The following LYRM4 variants were observed in gnomAD, a reference collection of about 807,000 sequenced individuals.
The protein encoded by LYRM4 is LYR motif containing 4.
In LYRM4, 9 loss-of-function variants were observed where a neutral mutation model predicts 11.7. The observed-to-expected ratio is 0.77, with a 90% CI of 0.46 to 1.34. The LOEUF is 1.34. LYRM4 is among the 40% of genes most tolerant of loss of function. The pLI, the probability that LYRM4 is intolerant of heterozygous loss-of-function variation, is 0.00. For missense variants in LYRM4, 133 were observed against 112.5 expected (o/e 1.18, Z -0.82); for synonymous variants, 42 against 40.4 (o/e 1.04, Z -0.15).
chr6:5,084,741 CTGACCGAG>C, the LYRM4 span: 1 of 152,270 alleles, frequency 6.6e-6, no homozygotes. Context: ...CGGAGCGCGC[CTGACCGAG>C]TCAGGCTTCC....
chr6:5,066,270 C>G, the LYRM4 span: 1 of 716,894 alleles, frequency 1.4e-6, no homozygotes, highest in Non-Finnish European at 2.6e-6. Context: ...GGGGATCTGC[C>G]GTTAGTTTCT....
chr6:5,201,297 C>T (rs1019423943), intron 2 of LYRM4, among the ~76,000 whole-genome samples: 1 of 152,170 alleles, frequency 6.6e-6, no homozygotes, highest in East Asian at 1.9e-4. Flanking sequence ...GCACTGCTTG[C>T]TAGTCCTGGC....
At position 5,245,101 on chromosome 6, in the gene LYRM4, AAAAAAAAAAAAAATATATATATATATAT is replaced by A. The variant is rs1441609588; in HGVS notation, c.86+15519_86+15546del. On this transcript the variant is annotated intron_variant, in intron 1 of 2. Transcript: ENST00000330636. Reference sequence around the variant, plus strand: ...TGCAGGAAGACCTTAAAAAAAAAAAAAAAAAAAAAAAAATATATATATATATATATATATATATATATATATATATATA... The same window carrying A: ...TGCAGGAAGACCTTAAAAAAAAAAAAATATATATATATATATATATATATA... 3.9e-3 allele frequency among the ~76,000 whole-genome samples: 217 copies of A among 55,106 alleles called. 8 individuals carry two copies. Among genetic ancestry groups the A allele is most frequent in the African/African-American group, 0.012 (185 of 15,506 alleles). 36.2% of individuals were successfully genotyped at this position (55,106 alleles called of 152,430 possible).
downstream of LYRM4, among the ~76,000 whole-genome samples, chr6:5,101,968 C>CATTTTTTTTTTTTTT (rs556454653): frequency 2.9e-5 from 2 of 67,988 alleles, no homozygotes; most frequent in African/African-American, 9.1e-5. Flanking sequence ...CTAATGCTTT[C>CATTTTTTTTTTTTTT]TTTTTTTTTT....
chr6:5,252,292 G>A (rs189062608), intron 1 of LYRM4, among the ~76,000 whole-genome samples: 12 of 152,254 alleles, frequency 7.9e-5, no homozygotes, highest in Admixed American at 3.3e-4. Context: ...GGAGCGAGGC[G>A]GCCTTCTAAT....
intron 1 of LYRM4, among the ~76,000 whole-genome samples, chr6:5,241,256 T>A (rs1351779540): frequency 1.3e-5 from 2 of 152,220 alleles, no homozygotes; most frequent in African/African-American, 4.8e-5. Flanking sequence ...AGTGACTCTA[T>A]ACTAAATAAA....
chr6:5,115,215 CTAGAAG>C (rs1287362349), intron 2 of LYRM4, among the ~76,000 whole-genome samples: 2 of 152,186 alleles, frequency 1.3e-5, no homozygotes, highest in African/African-American at 2.4e-5. Context: ...TAAAAGGTTT[CTAGAAG>C]TAGAATTGTT....
intron 2 of LYRM4, among the ~76,000 whole-genome samples, chr6:5,163,859 G>A (rs181549734): frequency 1.9e-4 from 29 of 152,032 alleles, no homozygotes; most frequent in South Asian, 1.7e-3. Flanking sequence ...GGTGATCCTC[G>A]GCCTCCCAAA....
At chr6:5,167,920 GAA>G (rs57806234) in intron 2 of LYRM4, among the ~76,000 whole-genome samples, 10 of 149,602 alleles carry the variant, frequency 6.7e-5, no homozygotes, top group African/African-American at 2.5e-4. Context: ...AAAGACAAAG[GAA>G]AAAAAAACTG....
At chr6:5,153,576 G>T (rs1758215500) in intron 2 of LYRM4, among the ~76,000 whole-genome samples, 1 of 152,154 alleles carries the variant, frequency 6.6e-6, no homozygotes, top group South Asian at 2.1e-4. Flanking sequence ...TGTGAAAGAG[G>T]CAATCACCAG....
intron 1 of LYRM4, among the ~76,000 whole-genome samples, chr6:5,245,769 G>A (rs1291854537): frequency 6.6e-6 from 1 of 152,172 alleles, no homozygotes; most frequent in African/African-American, 2.4e-5. Context: ...ATGGGGCTGT[G>A]AACTTACAGG....
rs573604726 is a variant in LYRM4, at chr6:5,130,190, C to T, written c.208-20699G>A. On this transcript the variant is annotated intron_variant, in intron 2 of 2. Coordinates refer to ENST00000330636, the MANE Select transcript of LYRM4 (RefSeq NM_020408.6). ...GTGTGAGTGAGGTCTTGGGCCTGGG[C>T]GTGGGCTGCAGGGGGAGTTCATGAG... 2.6e-5 allele frequency among the ~76,000 whole-genome samples: 4 copies of T among 152,236 alleles called. No individual in the cohort carries two copies. In the South Asian group the frequency reaches 6.2e-4, roughly 24 times the overall value.
At chr6:5,070,659 G>A in the LYRM4 span, among the ~76,000 whole-genome samples, 4 of 151,350 alleles carry the variant, frequency 2.6e-5, no homozygotes, top group African/African-American at 9.7e-5. Flanking sequence ...GAGGATTGCT[G>A]AAAGCCAACA....
rs149714891 is a variant in LYRM4 at position 5,154,461 on chromosome 6, A to C, written c.208-44970T>G. Reference sequence around the variant, plus strand: ...CAGAGAGTGGCATGCAGTATCTACGATCACACAGGACACAGATGGAAACAT... The same window carrying C: ...CAGAGAGTGGCATGCAGTATCTACGCTCACACAGGACACAGATGGAAACAT... On this transcript the variant is annotated intron_variant, in intron 2 of 2. Coordinates refer to ENST00000330636, the MANE Select transcript of LYRM4 (RefSeq NM_020408.6). Among the ~76,000 whole-genome samples the C allele has an allele frequency of 9.1e-3, 1,383 of 152,276 alleles. 22 individuals are homozygous for C. Among genetic ancestry groups the C allele is most frequent in the African/African-American group, 0.031 (1,293 of 41,558 alleles).
chr6:5,187,832 G>GAA (rs56932935), intron 2 of LYRM4, among the ~76,000 whole-genome samples: 13 of 150,954 alleles, frequency 8.6e-5, no homozygotes, highest in African/African-American at 2.4e-4. Flanking sequence ...TGTGTTAGTG[G>GAA]AAAAAAAAAG....
intron 2 of LYRM4, among the ~76,000 whole-genome samples, chr6:5,199,428 A>G (rs962735165): frequency 1.2e-4 from 19 of 152,274 alleles, no homozygotes; most frequent in Middle Eastern, 3.4e-3. Context: ...GGTGATGAAA[A>G]TGTTCTAAAA....
intron 1 of LYRM4, among the ~76,000 whole-genome samples, chr6:5,223,996 C>T (rs1316626645): frequency 6.6e-6 from 1 of 152,168 alleles, no homozygotes; most frequent in Non-Finnish European, 1.5e-5. Flanking sequence ...CTCCACCTAG[C>T]AGCTTCCAGC....
intron 2 of LYRM4, among the ~76,000 whole-genome samples, chr6:5,122,017 A>T (rs970173561): frequency 6.7e-6 from 1 of 149,788 alleles, no homozygotes; most frequent in Non-Finnish European, 1.5e-5. Context: ...TCCTCCAGGG[A>T]CACCTTTTTT....
the LYRM4 span, among the ~76,000 whole-genome samples, chr6:5,049,098 C>A: frequency 7.2e-5 from 11 of 152,040 alleles, no homozygotes; most frequent in Non-Finnish European, 1.2e-4. Flanking sequence ...AGTGGAAGGA[C>A]AAGCAGAATG....
Sources: allele counts gnomAD v4.1 joint callset (sites outside exome capture counted in the v4.1 genomes callset), GRCh38; gene constraint gnomAD v4.1.1; transcripts MANE v1.5; gene names NCBI Gene and HGNC (gene_info 2026-07-23, HGNC 2026-07-21).